Variants in GPATCH3 observed in about 807,000 individuals in gnomAD.
GPATCH3 encodes G-patch domain containing 3, also known as G patch domain-containing protein 3.
Under a neutral mutation model 53.2 loss-of-function variants are expected in GPATCH3, and 45 were observed. That is an observed-to-expected ratio of 0.85 (90% confidence interval 0.67 to 1.08). The LOEUF is 1.08. Ranked by LOEUF, GPATCH3 falls within the 50% of genes least tolerant of loss-of-function variation. GPATCH3 has a pLI of 0.00. For missense variants in GPATCH3, 680 were observed against 687.2 expected (o/e 0.99, Z 0.12); for synonymous variants, 280 against 270.6 (o/e 1.03, Z -0.34).
Position 26,891,180 on chromosome 1 carries a change from G to T in GPATCH3, c.1408C>A (p.Arg470Ser). ...GAGATGAGCCCCAAGCCATTTCTACGGGGCCTCTTCAGTTGCCCAAATGGC... is the reference window on the plus strand; with the variant it reads ...GAGATGAGCCCCAAGCCATTTCTACTGGGCCTCTTCAGTTGCCCAAATGGC... ...LQPFGQLKRP[R>S]RNGLGLISTI... Residue 470 changes from arginine to serine, a missense_variant, in exon 7 of 7, where the codon CGT becomes AGT. Transcript: ENST00000361720. 2 of 1,613,944 alleles carry T rather than the reference G, an allele frequency of 1.2e-6. No homozygotes were observed. Among genetic ancestry groups the T allele is most frequent in the Non-Finnish European group, 1.7e-6 (2 of 1,179,970 alleles).
rs2081937370 is a variant in GPATCH3 at position 26,893,452 on chromosome 1, T to C, written c.1052-4A>G. 10 of 1,610,156 alleles carry C rather than the reference T, an allele frequency of 6.2e-6. No homozygotes were observed. Among genetic ancestry groups the C allele is most frequent in the East Asian group, 2.2e-5 (1 of 44,760 alleles). On this transcript the variant is annotated splice_region_variant and splice_polypyrimidine_tract_variant and intron_variant, in intron 3 of 6. Coordinates refer to ENST00000361720, the MANE Select transcript of GPATCH3 (RefSeq NM_022078.3). ...TCGGCTGTCTGTTCATCAAAATCTGTAGGGACAGAAAAGCATCCAACAGAG... is the reference window on the plus strand; with the variant it reads ...TCGGCTGTCTGTTCATCAAAATCTGCAGGGACAGAAAAGCATCCAACAGAG...
At chr1:26,894,501 G>T in intron 2 of GPATCH3, 91 bp from the exon 3 acceptor site, 1 of 1,207,316 alleles carries the variant, frequency 8.3e-7, no homozygotes, top group Non-Finnish European at 1.2e-6. Flanking sequence ...TGTGTGGCTA[G>T]CCTCAGCGCC....
At position 26,892,556 on chromosome 1, in the gene GPATCH3, A is replaced by G; in HGVS notation, c.1234-18T>C. On this transcript the variant is annotated intron_variant, in intron 5 of 6. Transcript: ENST00000361720. Reference sequence around the variant, plus strand: ...CCAATGCCCTGCAGAGTGAAGGGACAAGACTCAAGAAATGGGGCTCCTGCT... The same window carrying G: ...CCAATGCCCTGCAGAGTGAAGGGACGAGACTCAAGAAATGGGGCTCCTGCT... 1.2e-6 allele frequency: 2 copies of G among 1,606,900 alleles called. No individual in the cohort carries two copies. Among genetic ancestry groups the G allele is most frequent in the Non-Finnish European group, 1.7e-6 (2 of 1,173,968 alleles).
At chr1:26,896,891 G>C (rs2081953328) in intron 2 of GPATCH3, among the ~76,000 whole-genome samples, 1 of 150,776 alleles carries the variant, frequency 6.6e-6, no homozygotes, top group Admixed American at 6.6e-5. Context: ...GTATGGTGGT[G>C]GCCGCCTGTA....
At position 26,899,362 on chromosome 1, in the gene GPATCH3, C is replaced by T. The variant is rs149907469; in HGVS notation, c.451+630G>A. ...TAAGAAAACAAAAGGCTTAGAACAG[C>T]GCCTACTAAATACAGAGTGCTCAGT... On this transcript the variant is annotated intron_variant, in intron 1 of 6. Coordinates refer to ENST00000361720, the MANE Select transcript of GPATCH3 (RefSeq NM_022078.3). 1.7e-3 allele frequency among the ~76,000 whole-genome samples: 255 copies of T among 152,294 alleles called. 1 individual carries two copies. The highest frequency in any genetic ancestry group is 5.3e-3 in the African/African-American group (222 of 41,544).
In GPATCH3 at chr1:26,900,209, G is replaced by A; in HGVS notation, c.234C>T (p.Leu78=). The A allele has an allele frequency of 1.2e-6, 2 of 1,614,180 alleles. No individual in the cohort carries two copies. The highest frequency in any genetic ancestry group is 1.7e-6 in the Non-Finnish European group (2 of 1,180,036). ...PTDPAAEGQL[L]SQTSATDVRP... ...GGACATCGGTGGCCGAAGTCTGAGA[G>A]AGAAGCTGGCCCTCAGCGGCTGGGT... Residue 78 remains leucine, a synonymous_variant, in exon 1 of 7, where the codon CTC becomes CTT. Transcript: ENST00000361720.
At chr1:26,893,527 GGCTTT>G in intron 3 of GPATCH3, 79 bp from the exon 4 acceptor site, 2 of 860,118 alleles carry the variant, frequency 2.3e-6, no homozygotes, top group East Asian at 3.1e-5. Flanking sequence ...GAGTTTTTTT[GGCTTT>G]TTTTTTTTTT....
chr1:26,890,567 C>G lies in GPATCH3; in HGVS notation c.*443G>C, dbSNP rs561266632. The stretch of plus-strand genomic sequence containing the variant: ...CGCGGACTCTCCGCTGGCAGTCCCA[C>G]CCAGTGAGGGTAGAGGCGGTGGAGG... On this transcript the variant is annotated 3_prime_UTR_variant, in exon 7 of 7. Coordinates refer to ENST00000361720, the MANE Select transcript of GPATCH3 (RefSeq NM_022078.3). 124 of 334,718 alleles carry G rather than the reference C, an allele frequency of 3.7e-4. 1 individual carries two copies. The highest frequency in any genetic ancestry group is 1.3e-3 in the East Asian group (17 of 12,862). 20.7% of individuals were successfully genotyped at this position (334,718 alleles called of 1,614,324 possible).
At chr1:26,898,953 T>C (rs2081962761) in intron 1 of GPATCH3, among the ~76,000 whole-genome samples, 1 of 152,256 alleles carries the variant, frequency 6.6e-6, no homozygotes, top group African/African-American at 2.4e-5. Flanking sequence ...GCACGAGCCA[T>C]TGCAACCCAG....
At chr1:26,898,774 C>A (rs1231724429) in intron 1 of GPATCH3, among the ~76,000 whole-genome samples, 1 of 151,826 alleles carries the variant, frequency 6.6e-6, no homozygotes, top group African/African-American at 2.4e-5. Flanking sequence ...TCAAGTGATC[C>A]CCCCACCTCA....
chr1:26,892,309 C>A lies in GPATCH3; in HGVS notation c.1361+102G>T, dbSNP rs866395847. On this transcript the variant is annotated intron_variant, in intron 6 of 6. Transcript: ENST00000361720. ...CTCTTAACTGTTTTGAATTTCATCC[C>A]GCACGAGTACCCAGCAGCCATGCCA... is the stretch of plus-strand genomic sequence containing the variant. 5.0e-6 allele frequency: 7 copies of A among 1,394,038 alleles called. No individual in the cohort carries two copies. In the African/African-American group the frequency reaches 1.0e-4, roughly 20 times the overall value. 86.4% of individuals were successfully genotyped at this position (1,394,038 alleles called of 1,614,324 possible).
chr1:26,899,756 G>C (rs1053450384), intron 1 of GPATCH3, among the ~76,000 whole-genome samples: 3 of 152,204 alleles, frequency 2.0e-5, no homozygotes, highest in African/African-American at 7.2e-5. Context: ...CTTGGATAGA[G>C]AAAGGGTCTC....
In GPATCH3 at chr1:26,894,417, G is replaced by C; in HGVS notation, c.877-7C>G. On this transcript the variant is annotated splice_polypyrimidine_tract_variant and splice_region_variant and intron_variant, in intron 2 of 6. Coordinates refer to ENST00000361720, the MANE Select transcript of GPATCH3 (RefSeq NM_022078.3). Reference sequence around the variant, plus strand: ...CCTCACCCCGGTCATCGTCCTAAAAGGCAGGGAGAGGTGATTTGCCTGAGC... The same window carrying C: ...CCTCACCCCGGTCATCGTCCTAAAACGCAGGGAGAGGTGATTTGCCTGAGC... 1 of 1,613,362 alleles carries C rather than the reference G, an allele frequency of 6.2e-7. No homozygotes were observed. Among genetic ancestry groups the C allele is most frequent in the Non-Finnish European group, 8.5e-7 (1 of 1,179,474 alleles).
Position 26,892,773 on chromosome 1 carries a change from G to A in GPATCH3, c.1130C>T (p.Ala377Val). ...YYDRDGGDKD[A>V]RDSVQMRLEQ... ...CAGACGCATTTGGACAGAGTCTCGG[G>A]CATCCTTGTCTCCACCATCTGAGGA... The change falls in exon 5 of 7, where the codon GCC (alanine) becomes GTC (valine). Residue 377 changes from alanine to valine, a missense_variant. Physicochemically the swap from Ala to Val is moderately conservative, Grantham distance 64. Coordinates refer to ENST00000361720, the MANE Select transcript of GPATCH3 (RefSeq NM_022078.3). 1.2e-6 allele frequency: 2 copies of A among 1,614,068 alleles called. No individual in the cohort carries two copies. Among genetic ancestry groups the A allele is most frequent in the South Asian group, 1.1e-5 (1 of 91,082 alleles).
rs754081770 is a variant in GPATCH3, at chr1:26,897,744, T to C, written c.452-19A>G. 7.0e-6 allele frequency: 11 copies of C among 1,571,718 alleles called. No individual in the cohort carries two copies. The South Asian group carries it at 8.2e-5, about 12-fold the overall frequency. ...CCCAGACCTTGGAAAGGAGGGAGAA[T>C]AGATCTTGAAACCCAGAAGCCTCCA... On this transcript the variant is annotated intron_variant, in intron 1 of 6. Coordinates refer to ENST00000361720, the MANE Select transcript of GPATCH3 (RefSeq NM_022078.3).
Position 26,900,334 on chromosome 1 carries a change from G to T in GPATCH3, c.109C>A (p.Arg37=). 1.2e-6 allele frequency: 2 copies of T among 1,614,074 alleles called. No individual in the cohort carries two copies. Among genetic ancestry groups the T allele is most frequent in the Non-Finnish European group, 1.7e-6 (2 of 1,180,026 alleles). Residue 37 remains arginine (R), a synonymous_variant, in exon 1 of 7, where the codon CGA becomes AGA. Transcript: ENST00000361720. ...AGGAAGCCACCGCCGCGCTCTTCTCGGAACTGGCTAAAATAGCTCCGTAAA... is the reference window on the plus strand; with the variant it reads ...AGGAAGCCACCGCCGCGCTCTTCTCTGAACTGGCTAAAATAGCTCCGTAAA... ...AHLRSYFSQF[R]EERGGGFLCF... is the part of the protein sequence containing the mutation.
At chr1:26,893,837 G>C (rs143737854) in intron 3 of GPATCH3, among the ~76,000 whole-genome samples, 1 of 151,934 alleles carries the variant, frequency 6.6e-6, no homozygotes, top group Non-Finnish European at 1.5e-5. Flanking sequence ...GTTTGTTTTA[G>C]AGAAGGTCTC....
intron 4 of GPATCH3, 150 bp downstream of exon 4, chr1:26,893,239 C>T: frequency 2.7e-6 from 2 of 734,404 alleles, no homozygotes; most frequent in African/African-American, 1.7e-5. Flanking sequence ...TGTACACAAC[C>T]AAAGATGTTT....
At position 26,893,302 on chromosome 1, in the gene GPATCH3, T is replaced by A; in HGVS notation, c.1111+87A>T. The A allele has an allele frequency of 6.6e-6, 7 of 1,057,498 alleles. No individual in the cohort carries two copies. In the South Asian group the frequency reaches 8.8e-5, roughly 13 times the overall value. The allele number at this position is 1,057,498 out of a possible 1,614,324, so 65.5% of individuals were successfully genotyped here. ...CCAAGGGAACGGGAACGGTACCCTG[T>A]CTCAGCCTTTGCTAGCTCTGGTAAA... On this transcript the variant is annotated intron_variant, in intron 4 of 6. Transcript: ENST00000361720.
Sources: gnomAD v4.1 joint callset for allele counts (sites outside exome capture counted in the v4.1 genomes callset) on GRCh38, gnomAD v4.1.1 for gene constraint, MANE v1.5 for transcripts, NCBI Gene and HGNC (gene_info 2026-07-23, HGNC 2026-07-21) for gene names.